Variants in CDKL4 observed in about 807,000 individuals in gnomAD.
The protein encoded by CDKL4 is cyclin-dependent kinase-like 4.
CDKL4 carries 44 observed loss-of-function variants against 42.0 expected under a neutral mutation model. The observed-to-expected ratio is 1.05, with a 90% CI of 0.82 to 1.35. CDKL4 has a LOEUF of 1.35. Among genes scored for constraint, CDKL4 ranks in the 40% most tolerant of loss-of-function variants. The pLI is 0.00. For synonymous variants in CDKL4, 120 were observed against 121.6 expected, an observed-to-expected ratio of 0.99 and a Z score of 0.09; for missense variants, 393 against 369.9, an observed-to-expected ratio of 1.06 and a Z score of -0.51.
intron 7 of CDKL4, among the ~76,000 whole-genome samples, chr2:39,185,184 G>GTATA (rs1165364801): frequency 1.9e-5 from 2 of 104,232 alleles, no homozygotes; most frequent in African/African-American, 9.4e-5. Flanking sequence ...ATACATATGT[G>GTATA]TATATACATA....
At chr2:39,243,790 G>T (rs1028878660) in intron 1 of CDKL4, among the ~76,000 whole-genome samples, 81 bp downstream of exon 1, 1 of 152,242 alleles carries the variant, frequency 6.6e-6, no homozygotes, top group Non-Finnish European at 1.5e-5. Flanking sequence ...ACTGGGATCC[G>T]CAGTCTAGAC....
intron 4 of CDKL4, 32 bp downstream of exon 4, chr2:39,213,368 A>G: frequency 7.5e-7 from 1 of 1,334,840 alleles, no homozygotes. Context: ...ATCATGAAGA[A>G]ATGAATAAAT....
Position 39,175,803 on chromosome 2 carries a change from G to T in CDKL4, c.*192C>A, listed in dbSNP as rs58099071. On this transcript the variant is annotated 3_prime_UTR_variant, in exon 10 of 10. Coordinates refer to ENST00000451199, the Ensembl canonical transcript of CDKL4. ...AGTTTTAGGCTTTATAACATTTAAAGAAAATATTCTAAAAGATAAAGTTGG... is the reference window on the plus strand; with the variant it reads ...AGTTTTAGGCTTTATAACATTTAAATAAAATATTCTAAAAGATAAAGTTGG... The T allele has an allele frequency of 1.8e-3, 523 of 293,914 alleles. 7 individuals are homozygous for T. The East Asian group carries it at 0.022, about 12-fold the overall frequency. The allele number at this position is 293,914 out of a possible 1,614,324, so 18.2% of individuals were successfully genotyped here. A position where few individuals can be genotyped will look rare whatever the true frequency, so the allele number is the denominator to read the frequency against.
chr2:39,223,462 G>T (rs1198300759), intron 3 of CDKL4, among the ~76,000 whole-genome samples: 1 of 151,836 alleles, frequency 6.6e-6, no homozygotes, highest in East Asian at 1.9e-4. Flanking sequence ...AATAATTTTT[G>T]AAAAATCTTT....
At chr2:39,226,805 C>T (rs1171300576) in intron 2 of CDKL4, among the ~76,000 whole-genome samples, 7 of 150,926 alleles carry the variant, frequency 4.6e-5, no homozygotes, top group East Asian at 2.0e-4. Flanking sequence ...CTTGCTCTGT[C>T]GCCCAGGCTG....
At chr2:39,189,085 C>T (rs934878995) in intron 6 of CDKL4, among the ~76,000 whole-genome samples, 2 of 152,178 alleles carry the variant, frequency 1.3e-5, no homozygotes, top group Non-Finnish European at 1.5e-5. Context: ...GTGTGGCCTG[C>T]AGTGGTAATC....
At chr2:39,213,499 G>C (rs1279452714) in intron 3 of CDKL4, 27 bp from the exon 4 acceptor site, 1 of 1,523,590 alleles carries the variant, frequency 6.6e-7, no homozygotes, top group African/African-American at 1.4e-5. Flanking sequence ...AAAAGGAAAT[G>C]AAAACTCATA....
intron 1 of CDKL4, among the ~76,000 whole-genome samples, chr2:39,243,564 T>C (rs1679768507): frequency 6.6e-6 from 1 of 152,252 alleles, no homozygotes; most frequent in African/African-American, 2.4e-5. Flanking sequence ...CCTTCTTCAT[T>C]TAATGACAGT....
At chr2:39,213,311 C>T in intron 4 of CDKL4, 89 bp downstream of exon 4, 1 of 873,348 alleles carries the variant, frequency 1.1e-6, no homozygotes, top group Non-Finnish European at 1.8e-6. Flanking sequence ...TTCCCTTTGT[C>T]TTCAGCTCTC....
At chr2:39,185,293 TATATATACACATATGTATATATAC>T (rs1159734143) in intron 7 of CDKL4, among the ~76,000 whole-genome samples, 1,041 of 26,650 alleles carry the variant, frequency 0.039, 220 homozygotes, top group South Asian at 0.06. Flanking sequence ...TATATATACA[TATATATACACATATGTATATATAC>T]ATATATATAC....
downstream of CDKL4, among the ~76,000 whole-genome samples, chr2:39,173,441 G>C (rs977932660): frequency 6.6e-6 from 1 of 151,980 alleles, no homozygotes; most frequent in Non-Finnish European, 1.5e-5. Flanking sequence ...CTTTGGAAGG[G>C]CCAGGCAGGG....
At chr2:39,174,093 T>A (rs1317796782), downstream of CDKL4, among the ~76,000 whole-genome samples, 1 of 151,968 alleles carries the variant, frequency 6.6e-6, no homozygotes, top group Non-Finnish European at 1.5e-5. Flanking sequence ...GTAGGCCAGA[T>A]CAGATCAGCT....
At chr2:39,179,345 G>A in intron 8 of CDKL4, 24 bp from the exon 9 acceptor site, 2 of 1,561,214 alleles carry the variant, frequency 1.3e-6, no homozygotes, top group Non-Finnish European at 1.7e-6. Flanking sequence ...GAATAGCAAA[G>A]AAGATGTTAA....
chr2:39,243,051 G>C (rs1440791722), intron 1 of CDKL4, among the ~76,000 whole-genome samples: 1 of 132,656 alleles, frequency 7.5e-6, no homozygotes. Context: ...GAACCTGGGA[G>C]GTCAGCGAGC....
rs749279866 is a variant in CDKL4 at position 39,225,862 on chromosome 2, A to G, written c.267T>C (p.Asn89=). 19 of 1,606,374 alleles carry G rather than the reference A, an allele frequency of 1.2e-5. No homozygotes were observed. The South Asian group carries it at 2.0e-4, about 17-fold the overall frequency. The change falls in exon 3 of 10, where the codon AAT becomes AAC. Residue 89 remains asparagine (N), a synonymous_variant. Transcript: ENST00000451199. The stretch of plus-strand genomic sequence containing the variant: ...ACCCATTTGGGTTTCTTTCCAGCTC[A>G]TTTAAAAGTGTATGATCACAGTATT...
At chr2:39,217,258 G>A (rs1677987445) in intron 3 of CDKL4, among the ~76,000 whole-genome samples, 1 of 152,172 alleles carries the variant, frequency 6.6e-6, no homozygotes, top group African/African-American at 2.4e-5. Flanking sequence ...AAGTAACCGA[G>A]GTTCTTGCCA....
At chr2:39,209,284 C>T (rs1013273599) in intron 4 of CDKL4, among the ~76,000 whole-genome samples, 2 of 150,126 alleles carry the variant, frequency 1.3e-5, no homozygotes, top group Admixed American at 1.3e-4. Context: ...TGCATTCTAG[C>T]CTGGGAAACA....
chr2:39,224,456 C>G (rs1297831392), intron 3 of CDKL4, among the ~76,000 whole-genome samples: 4 of 149,606 alleles, frequency 2.7e-5, no homozygotes, highest in Admixed American at 6.7e-5. Context: ...TATTCCTAAA[C>G]TTTTGTTGTT....
At chr2:39,179,417 T>C in intron 8 of CDKL4, 96 bp from the exon 9 acceptor site, 2 of 1,040,076 alleles carry the variant, frequency 1.9e-6, no homozygotes, top group Admixed American at 5.5e-5. Flanking sequence ...TAAATATGAG[T>C]TTAGAAAATC....
Sources: allele counts gnomAD v4.1 joint callset (sites outside exome capture counted in the v4.1 genomes callset), GRCh38; gene constraint gnomAD v4.1.1; transcripts MANE v1.5; gene names NCBI Gene and HGNC (gene_info 2026-07-23, HGNC 2026-07-21).